Variants in NELL1 observed in about 807,000 individuals in gnomAD.
NELL1 encodes the protein neural EGFL like 1, also known as protein kinase C-binding protein NELL1.
Under a neutral mutation model 107.4 loss-of-function variants are expected in NELL1, and 76 were observed. That is an observed-to-expected ratio of 0.71 (90% CI 0.59 to 0.86). The LOEUF is 0.86. NELL1 is among the 40% of genes least tolerant of loss of function. The probability of loss-of-function intolerance (pLI) is 0.00; values close to 1 mark genes in which losing one functional copy is unlikely to be tolerated. For missense variants in NELL1, 1,024 were observed against 1,005.5 expected (o/e 1.02, Z -0.25); for synonymous variants, 353 against 341.2 (o/e 1.03, Z -0.38).
intron 17 of NELL1, among the ~76,000 whole-genome samples, chr11:21,566,764 G>A (rs1401763745): frequency 6.6e-6 from 1 of 151,820 alleles, no homozygotes; most frequent in Non-Finnish European, 1.5e-5. Flanking sequence ...TGCTCTGTGA[G>A]CTGATGTTTT....
intron 15 of NELL1, among the ~76,000 whole-genome samples, chr11:21,453,322 ACTT>A (rs137905672): frequency 0.025 from 3,829 of 152,144 alleles, 166 homozygotes; most frequent in African/African-American, 0.085. Context: ...GATTTTTATG[ACTT>A]CTTTATTAAT....
At chr11:20,716,697 T>C (rs1855258034) in intron 2 of NELL1, among the ~76,000 whole-genome samples, 1 of 152,220 alleles carries the variant, frequency 6.6e-6, no homozygotes, top group Admixed American at 6.5e-5. Flanking sequence ...AAATCCTAGC[T>C]ATGACTCTTA....
chr11:21,132,183 T>TTGTG (rs111574120), intron 13 of NELL1, among the ~76,000 whole-genome samples: 17 of 149,820 alleles, frequency 1.1e-4, no homozygotes, highest in East Asian at 9.8e-4. Flanking sequence ...AGCCTGTATT[T>TTGTG]TGTGTGTGTG....
chr11:21,318,465 C>G (rs1249935463), intron 14 of NELL1, among the ~76,000 whole-genome samples: 2 of 152,182 alleles, frequency 1.3e-5, no homozygotes, highest in East Asian at 1.9e-4. Context: ...ACCTTTGTAA[C>G]TTCTTTGAAA....
chr11:21,549,952 A>G (rs1251505523), intron 16 of NELL1, among the ~76,000 whole-genome samples: 1 of 151,754 alleles, frequency 6.6e-6, no homozygotes, highest in East Asian at 1.9e-4. Flanking sequence ...CTTCAACATG[A>G]GTCAGGAAAG....
chr11:21,491,153 T>C (rs1418495973), intron 15 of NELL1, among the ~76,000 whole-genome samples: 4 of 152,166 alleles, frequency 2.6e-5, no homozygotes, highest in African/African-American at 9.7e-5. Context: ...AGGTTGCCTG[T>C]TCACTCTGAT....
In NELL1 at chr11:21,533,849, C is replaced by G. The variant is rs55983860; in HGVS notation, c.1646-525C>G. ...AGGTAATTATTAGCTAAATAAATTT[C>G]GGAAACAGTGTGTATTATCAATCTT... is the stretch of plus-strand genomic sequence containing the variant. On this transcript the variant is annotated intron_variant, in intron 15 of 19. Coordinates refer to ENST00000357134, the MANE Select transcript of NELL1 (RefSeq NM_006157.5). Among the ~76,000 whole-genome samples, 1,458 of 152,002 alleles carry G rather than the reference C, an allele frequency of 9.6e-3. 21 individuals carry two copies. The highest frequency in any genetic ancestry group is 0.034 in the African/African-American group (1,390 of 41,450).
intron 4 of NELL1, among the ~76,000 whole-genome samples, chr11:20,876,116 T>C (rs145916693): frequency 1.3e-5 from 2 of 152,304 alleles, no homozygotes; most frequent in Non-Finnish European, 2.9e-5. Flanking sequence ...TTGTTTGCGT[T>C]TGTATTTACA....
intron 14 of NELL1, among the ~76,000 whole-genome samples, chr11:21,330,784 C>T (rs1850256352): frequency 6.6e-6 from 1 of 151,922 alleles, no homozygotes; most frequent in Non-Finnish European, 1.5e-5. Context: ...AAAGTATTAA[C>T]CATTATTTAT....
chr11:21,524,786 T>A (rs1434250917), intron 15 of NELL1, among the ~76,000 whole-genome samples: 3 of 152,192 alleles, frequency 2.0e-5, no homozygotes, highest in African/African-American at 7.2e-5. Context: ...GGATTTTCAG[T>A]CTTGGAGTGA....
chr11:21,471,584 T>C (rs1854183616), intron 15 of NELL1, among the ~76,000 whole-genome samples: 1 of 151,604 alleles, frequency 6.6e-6, no homozygotes, highest in Non-Finnish European at 1.5e-5. Context: ...GTTTGTTTAC[T>C]GTGATAAGCA....
At chr11:21,548,801 C>A (rs1856504483) in intron 16 of NELL1, among the ~76,000 whole-genome samples, 1 of 151,332 alleles carries the variant, frequency 6.6e-6, no homozygotes. Flanking sequence ...CATTTGTGTC[C>A]TGACAAAAGA....
At chr11:21,302,949 A>G (rs1849526028) in intron 14 of NELL1, among the ~76,000 whole-genome samples, 1 of 151,778 alleles carries the variant, frequency 6.6e-6, no homozygotes, top group South Asian at 2.1e-4. Flanking sequence ...TGGTCCTAGG[A>G]ACTCAAGAGA....
At position 20,755,559 on chromosome 11, in the gene NELL1, T is replaced by TTTTTATTTA. The variant is rs1337491294; in HGVS notation, c.185-28119_185-28118insTTATTTATT. On this transcript the variant is annotated intron_variant, in intron 2 of 19. Transcript: ENST00000357134. ...GTTTTTGTTTTTTTTTGTTTTTGTT[T>TTTTTATTTA]TTGTTTTTTTTTTTTTGAGACAGAA... 2.3e-4 allele frequency among the ~76,000 whole-genome samples: 4 copies of TTTTTATTTA among 17,686 alleles called. No homozygotes were observed. In the East Asian group the frequency reaches 3.6e-3, roughly 16 times the overall value. 11.6% of individuals were successfully genotyped at this position (17,686 alleles called of 152,430 possible). A position where few individuals can be genotyped will look rare whatever the true frequency, so the allele number is the denominator to read the frequency against.
chr11:21,536,979 A>C (rs930026912), intron 16 of NELL1, among the ~76,000 whole-genome samples: 7 of 152,138 alleles, frequency 4.6e-5, no homozygotes, highest in Non-Finnish European at 1.0e-4. Context: ...TTCATCTACA[A>C]CCTGATCCCT....
chr11:20,670,080 G>T (rs1853859484), intron 1 of NELL1, among the ~76,000 whole-genome samples: 2 of 152,132 alleles, frequency 1.3e-5, no homozygotes, highest in South Asian at 4.1e-4. Context: ...CCGTCCCAGG[G>T]AGTCGAAACC....
chr11:20,978,124 A>C (rs553444668), intron 12 of NELL1, among the ~76,000 whole-genome samples: 139 of 152,322 alleles, frequency 9.1e-4, no homozygotes, highest in South Asian at 2.3e-3. Flanking sequence ...TCTTTGTAAG[A>C]GGGAATTGAG....
At chr11:21,316,705 G>C (rs1379306378) in intron 14 of NELL1, among the ~76,000 whole-genome samples, 1 of 152,236 alleles carries the variant, frequency 6.6e-6, no homozygotes, top group East Asian at 1.9e-4. Flanking sequence ...ATGTAAGTGG[G>C]GAAACTTTTA....
chr11:21,339,552 C>T (rs1441943218), intron 14 of NELL1, among the ~76,000 whole-genome samples: 1 of 152,196 alleles, frequency 6.6e-6, no homozygotes, highest in Non-Finnish European at 1.5e-5. Context: ...TTCATCGTGT[C>T]AGTGCCAATA....
Sources: gnomAD v4.1 joint callset for allele counts (sites outside exome capture counted in the v4.1 genomes callset) on GRCh38, gnomAD v4.1.1 for gene constraint, MANE v1.5 for transcripts, NCBI Gene and HGNC (gene_info 2026-07-23, HGNC 2026-07-21) for gene names.